Variants in GAD2 observed in about 807,000 individuals in gnomAD.
GAD2 encodes the protein glutamate decarboxylase 2.
A neutral mutation model predicts 80.1 loss-of-function variants in GAD2; 22 were observed. The observed-to-expected ratio is 0.27, with a 90% CI of 0.20 to 0.39. The LOEUF is 0.39. Among genes scored for constraint, GAD2 ranks in the 10% least tolerant of loss-of-function variants. GAD2 has a pLI of 1.00. For missense variants in GAD2, 624 were observed against 738.4 expected (o/e 0.85, Z 1.80); for synonymous variants, 274 against 256.9 (o/e 1.07, Z -0.64).
At chr10:26,225,520 TGAGA>T (rs753177378) in intron 6 of GAD2, among the ~76,000 whole-genome samples, 56 of 152,096 alleles carry the variant, frequency 3.7e-4, no homozygotes, top group Non-Finnish European at 6.8e-4. Context: ...AGGACCCACC[TGAGA>T]GAGAGGCCAG....
rs776135250 is a variant in GAD2, at chr10:26,273,699, A to G, written c.1156A>G (p.Arg386Gly). Residue 386 changes from arginine to glycine, a missense_variant and splice_region_variant, in exon 11 of 16, where the codon AGG becomes GGG. Arg to Gly is a moderately radical substitution (Grantham distance 125, BLOSUM62 -2). Transcript: ENST00000376261. ...CAAGTGGAAACTGAGTGGCGTGGAG[A>G]GGTATGTTGCATTTTTCTTATTAAC... is the stretch of plus-strand genomic sequence containing the variant. ...KHKWKLSGVE[R>G]ANSVTWNPHK... 5 of 1,612,826 alleles carry G rather than the reference A, an allele frequency of 3.1e-6. No individual in the cohort carries two copies. In the Admixed American group the frequency reaches 6.7e-5, roughly 22 times the overall value.
intron 8 of GAD2, among the ~76,000 whole-genome samples, chr10:26,247,312 G>A (rs2132288832): frequency 6.6e-6 from 1 of 152,268 alleles, no homozygotes; most frequent in Middle Eastern, 3.4e-3. Flanking sequence ...CACTCTCGTG[G>A]CCATCTTGGT....
chr10:26,286,456 G>A lies in GAD2; in HGVS notation c.1348G>A (p.Val450Ile), dbSNP rs369617935. The A allele has an allele frequency of 2.0e-4, 320 of 1,613,756 alleles. No homozygotes were observed. The highest frequency in any genetic ancestry group is 3.3e-4 in the Middle Eastern group (2 of 6,062). Residue 450 changes from valine to isoleucine, a missense_variant, in exon 13 of 16, where the codon GTT becomes ATT. Coordinates refer to ENST00000376261, the MANE Select transcript of GAD2 (RefSeq NM_001134366.2). ...CAAGGCCTTACAGTGCGGACGCCACGTTGATGTTTTTAAACTATGGCTGAT... is the reference window on the plus strand; with the variant it reads ...CAAGGCCTTACAGTGCGGACGCCACATTGATGTTTTTAAACTATGGCTGAT... ...GDKALQCGRH[V>I]DVFKLWLMWR...
Position 26,244,552 on chromosome 10 carries a change from A to G in GAD2, c.841-1369A>G, listed in dbSNP as rs538902297. 2.0e-4 allele frequency among the ~76,000 whole-genome samples: 30 copies of G among 152,348 alleles called. No individual in the cohort carries two copies. The South Asian group carries it at 5.4e-3, about 27-fold the overall frequency. The stretch of plus-strand genomic sequence containing the variant: ...ATGTAATAGAATGTCATTCAGCCTT[A>G]AAAAGGAAGGAAATTCTCACACATG... On this transcript the variant is annotated intron_variant, in intron 7 of 15. Coordinates refer to ENST00000376261, the MANE Select transcript of GAD2 (RefSeq NM_001134366.2).
chr10:26,223,245 A>G (rs1204385430), intron 4 of GAD2, among the ~76,000 whole-genome samples: 2 of 152,250 alleles, frequency 1.3e-5, no homozygotes, highest in African/African-American at 4.8e-5. Context: ...TATAATTAAC[A>G]AAGAAGAATT....
Position 26,224,668 on chromosome 10 carries a change from C to G in GAD2, c.724+17C>G. 2.6e-6 allele frequency: 4 copies of G among 1,563,590 alleles called. No individual in the cohort carries two copies. Among genetic ancestry groups the G allele is most frequent in the Non-Finnish European group, 3.5e-6 (4 of 1,135,724 alleles). On this transcript the variant is annotated intron_variant, in intron 6 of 15. Coordinates refer to ENST00000376261, the MANE Select transcript of GAD2 (RefSeq NM_001134366.2). ...TTTCTCCCGGTACATGATATTTCAACTTTCTTTGTGTTTTTTCTTCTAATA... is the reference window on the plus strand; with the variant it reads ...TTTCTCCCGGTACATGATATTTCAAGTTTCTTTGTGTTTTTTCTTCTAATA...
chr10:26,228,676 G>A (rs1297140125), intron 6 of GAD2, among the ~76,000 whole-genome samples: 1 of 152,192 alleles, frequency 6.6e-6, no homozygotes, highest in African/African-American at 2.4e-5. Context: ...ATTCTCATAG[G>A]AGCGTGAACC....
chr10:26,269,794 A>G (rs1845112669), intron 9 of GAD2, among the ~76,000 whole-genome samples: 1 of 152,236 alleles, frequency 6.6e-6, no homozygotes, highest in Admixed American at 6.5e-5. Flanking sequence ...CATGCATTTT[A>G]TCATTAGGAA....
chr10:26,218,137 G>A (rs1224142851), intron 3 of GAD2, 146 bp downstream of exon 3: 3 of 873,384 alleles, frequency 3.4e-6, no homozygotes, highest in Non-Finnish European at 5.1e-6. Context: ...TCAGATAAAA[G>A]CGAGAAATGC....
intron 7 of GAD2, among the ~76,000 whole-genome samples, chr10:26,230,724 C>T (rs1844590916): frequency 6.6e-6 from 1 of 152,086 alleles, no homozygotes; most frequent in Non-Finnish European, 1.5e-5. Context: ...CGTGAGCCAC[C>T]ATCATACCCA....
chr10:26,278,629 T>G (rs1300726863), intron 11 of GAD2, among the ~76,000 whole-genome samples: 1 of 152,120 alleles, frequency 6.6e-6, no homozygotes, highest in Non-Finnish European at 1.5e-5. Flanking sequence ...AAGGAGGTAT[T>G]TTTTTGGAGG....
At chr10:26,266,792 A>C (rs79871587) in intron 8 of GAD2, among the ~76,000 whole-genome samples, 3,309 of 152,352 alleles carry the variant, frequency 0.022, 131 homozygotes, top group African/African-American at 0.073. Context: ...GGTTCATGAA[A>C]GTCAGATGTG....
chr10:26,269,154 T>C lies in GAD2; in HGVS notation c.956T>C (p.Ile319Thr). The C allele has an allele frequency of 6.2e-7, 1 of 1,600,558 alleles. No homozygotes were observed. Among genetic ancestry groups the C allele is most frequent in the South Asian group, 1.1e-5 (1 of 87,510 alleles). ...KMIPSDLERR[I>T]LEAKQKGFVP... is the part of the protein sequence containing the mutation. ...ATTCCATCTGATCTTGAAAGAAGGA[T>C]TCTTGAAGCCAAACAGAAAGTAAGT... Residue 319 changes from isoleucine to threonine, a missense_variant, in exon 9 of 16, where the codon ATT (isoleucine) becomes ACT (threonine). Transcript: ENST00000376261.
chr10:26,285,869 G>C (rs904584568), intron 12 of GAD2, among the ~76,000 whole-genome samples: 1 of 151,828 alleles, frequency 6.6e-6, no homozygotes, highest in African/African-American at 2.4e-5. Context: ...ACAGCTAAAT[G>C]ATAAAGTACT....
intron 13 of GAD2, among the ~76,000 whole-genome samples, chr10:26,287,576 G>A (rs8190778): frequency 0.018 from 2,683 of 152,310 alleles, 81 homozygotes; most frequent in African/African-American, 0.061. Flanking sequence ...ATGCCAGTCC[G>A]AGGCTGGATA....
chr10:26,299,079 A>G (rs1032894048), intron 15 of GAD2, among the ~76,000 whole-genome samples: 1 of 152,286 alleles, frequency 6.6e-6, no homozygotes, highest in Non-Finnish European at 1.5e-5. Flanking sequence ...CAATGCTGGA[A>G]TCATCCACGT....
At chr10:26,281,620 G>A (rs1482393339) in intron 12 of GAD2, among the ~76,000 whole-genome samples, 1 of 152,142 alleles carries the variant, frequency 6.6e-6, no homozygotes, top group East Asian at 1.9e-4. Context: ...TGTTCAAAGT[G>A]TAAGGAAGCT....
At chr10:26,280,370 C>T (rs1190284559) in intron 11 of GAD2, among the ~76,000 whole-genome samples, 1 of 152,096 alleles carries the variant, frequency 6.6e-6, no homozygotes, top group South Asian at 2.1e-4. Context: ...TGGTTCTATG[C>T]ATTTTAGAGA....
rs202139948 is a variant in GAD2 at position 26,229,820 on chromosome 10, A to G, written c.840+43A>G. On this transcript the variant is annotated intron_variant, in intron 7 of 15. Transcript: ENST00000376261. ...TTGCAAGTTTAAGGTTATGTTCCAT[A>G]AAGCCCGAGTTTAAGGAGTGATGGC... 3.3e-4 allele frequency: 470 copies of G among 1,445,578 alleles called. 2 individuals carry two copies. In the Middle Eastern group the frequency reaches 0.01, roughly 32 times the overall value. The allele number at this position is 1,445,578 out of a possible 1,614,324, so 89.5% of individuals were successfully genotyped here. A position where few individuals can be genotyped will look rare whatever the true frequency, so the allele number is the denominator to read the frequency against.
Sources: gnomAD v4.1 joint callset for allele counts (sites outside exome capture counted in the v4.1 genomes callset) on GRCh38, gnomAD v4.1.1 for gene constraint, MANE v1.5 for transcripts, NCBI Gene and HGNC (gene_info 2026-07-23, HGNC 2026-07-21) for gene names.